The following CALHM2 variants were observed in gnomAD, a reference collection of about 807,000 sequenced individuals.
CALHM2 encodes calcium homeostasis modulator family member 2.
Under a neutral mutation model 20.4 loss-of-function variants are expected in CALHM2, and 18 were observed. The ratio of observed to expected loss-of-function variants is 0.88; its 90% confidence interval spans 0.61 to 1.31. The LOEUF (loss-of-function observed/expected upper bound fraction) is 1.31, where lower values mean the gene tolerates loss of function less well. Ranked by LOEUF, CALHM2 falls within the 50% of genes most tolerant of loss-of-function variation. CALHM2 has a pLI of 0.00. For missense variants in CALHM2, 411 were observed against 435.7 expected (o/e 0.94, Z 0.50); for synonymous variants, 193 against 192.1 (o/e 1.00, Z -0.04).
In CALHM2 at chr10:103,451,096, T is replaced by C. The variant is rs535894466; in HGVS notation, c.-172A>G. On this transcript the variant is annotated 5_prime_UTR_variant, in exon 2 of 4. The change abolishes an upstream ATG in the 5' untranslated region. Transcript: ENST00000260743. ...TCTCCTACTGACCTTGCCGTGTCCA[T>C]CCACGGGTGTCCCGAAGAACCTCCT... 35 of 152,396 alleles carry C rather than the reference T, an allele frequency of 2.3e-4. No homozygotes were observed. Among genetic ancestry groups the C allele is most frequent in the Admixed American group, 9.8e-4 (15 of 15,312 alleles). The allele number at this position is 152,396 out of a possible 1,614,324, so 9.4% of individuals were successfully genotyped here. A position where few individuals can be genotyped will look rare whatever the true frequency, so the allele number is the denominator to read the frequency against.
Position 103,447,065 on chromosome 10 carries a change from T to C in CALHM2, c.*87A>G. 7.3e-7 allele frequency: 1 copy of C among 1,364,224 alleles called. No individual in the cohort carries two copies. Among genetic ancestry groups the C allele is most frequent in the Admixed American group, 2.3e-5 (1 of 44,252 alleles). The allele number at this position is 1,364,224 out of a possible 1,614,324, so 84.5% of individuals were successfully genotyped here. ...CAAGAAGATAACAGTTTTTTAAAAA[T>C]CCCCTTCTGATATGGATGTGAGCAA... On this transcript the variant is annotated 3_prime_UTR_variant, in exon 4 of 4. Coordinates refer to ENST00000260743, the MANE Select transcript of CALHM2 (RefSeq NM_015916.5).
At position 103,447,563 on chromosome 10, in the gene CALHM2, A is replaced by G; in HGVS notation, c.561T>C (p.Phe187=). The G allele has an allele frequency of 6.3e-7, 1 of 1,589,744 alleles. No homozygotes were observed. Among genetic ancestry groups the G allele is most frequent in the Non-Finnish European group, 8.6e-7 (1 of 1,165,578 alleles). ...SRRLRYESQL[F]GWLLIGVVAI... Reference sequence around the variant, plus strand: ...CCACCACGCCGATGAGCAGCCATCCAAAGAGCTGGCCAGAGAATGGGCACA... The same window carrying G: ...CCACCACGCCGATGAGCAGCCATCCGAAGAGCTGGCCAGAGAATGGGCACA... The change falls in exon 4 of 4, where the codon TTT becomes TTC. Residue 187 remains phenylalanine, a synonymous_variant. Transcript: ENST00000260743.
chr10:103,447,792 C>T (rs576420829), intron 3 of CALHM2, among the ~76,000 whole-genome samples: 18 of 152,334 alleles, frequency 1.2e-4, no homozygotes, highest in African/African-American at 4.3e-4. Flanking sequence ...ACCTCCTTCC[C>T]CTGCCATCAT....
At position 103,447,451 on chromosome 10, in the gene CALHM2, C is replaced by T. The variant is rs778778204; in HGVS notation, c.673G>A (p.Ala225Thr). The T allele has an allele frequency of 5.6e-6, 9 of 1,614,138 alleles. No homozygotes were observed. Among genetic ancestry groups the T allele is most frequent in the African/African-American group, 1.3e-5 (1 of 75,074 alleles). ...RQEAYWAQYR[A>T]NEDQLFQRTA... is the part of the protein sequence containing the mutation. ...CGCTGGAACAGCTGGTCCTCATTGG[C>T]GCGGTACTGCGCCCAGTAGGCCTCC... The change falls in exon 4 of 4, where the codon GCC becomes ACC. Residue 225 changes from alanine (A) to threonine (T), a missense_variant. Ala to Thr is a moderately conservative substitution (Grantham distance 58). Transcript: ENST00000260743.
At position 103,446,891 on chromosome 10, in the gene CALHM2, C is replaced by T. The variant is rs2032654841; in HGVS notation, c.*261G>A. The T allele has an allele frequency of 2.4e-6, 1 of 413,020 alleles. No homozygotes were observed. 25.6% of individuals were successfully genotyped at this position (413,020 alleles called of 1,614,324 possible). The stretch of plus-strand genomic sequence containing the variant: ...TGGTGCACTGCTGCGCTGGGTGTCC[C>T]TATGCAGCTAGATACATGTTAACTG... On this transcript the variant is annotated 3_prime_UTR_variant, in exon 4 of 4. Transcript: ENST00000260743.
At chr10:103,451,680 T>TGAGGAG (rs2033002224) in intron 1 of CALHM2, 1 of 74,080 alleles carries the variant, frequency 1.3e-5, no homozygotes, top group African/African-American at 6.4e-5. Context: ...AGGAGGAGTC[T>TGAGGAG]GATTCTTCCC....
intron 3 of CALHM2, 167 bp downstream of exon 3, chr10:103,449,220 C>A: frequency 1.5e-6 from 1 of 688,754 alleles, no homozygotes. Flanking sequence ...CTGGAACTGG[C>A]CCTTGCCCCA....
Position 103,449,623 on chromosome 10 carries a change from G to A in CALHM2, c.319C>T (p.Leu107=), listed in dbSNP as rs2032866717. The change falls in exon 3 of 4, where the codon CTG becomes TTG. Residue 107 remains leucine, a synonymous_variant. Transcript: ENST00000260743. The stretch of plus-strand genomic sequence containing the variant: ...ACAGGGGCCACAGCCGCACGTCCCA[G>A]GATGGAGCTTAGAAGGAGGAAGGTG... The part of the protein sequence containing the change: ...APTFLLLSSI[L]GRAAVAPVTW... 2 of 1,613,952 alleles carry A rather than the reference G, an allele frequency of 1.2e-6. No individual in the cohort carries two copies. Among genetic ancestry groups the A allele is most frequent in the African/African-American group, 2.7e-5 (2 of 75,074 alleles).
At chr10:103,450,695 A>G (rs2032938583) in intron 2 of CALHM2, 1 of 152,492 alleles carries the variant, frequency 6.6e-6, no homozygotes. Flanking sequence ...CAAGGACATT[A>G]TCTTTTTGGA....
intron 3 of CALHM2, 49 bp from the exon 4 acceptor site, chr10:103,447,617 C>G: frequency 6.8e-7 from 1 of 1,469,602 alleles, no homozygotes; most frequent in Non-Finnish European, 9.1e-7. Flanking sequence ...ACTGCCTAAG[C>G]CCTACCCCCC....
At chr10:103,447,787 C>T (rs1276534641) in intron 3 of CALHM2, among the ~76,000 whole-genome samples, 1 of 152,196 alleles carries the variant, frequency 6.6e-6, no homozygotes, top group Non-Finnish European at 1.5e-5. Flanking sequence ...AGAGCACCTC[C>T]TTCCCCTGCC....
In CALHM2 at chr10:103,449,394, T is replaced by A. The variant is rs1405489113; in HGVS notation, c.548A>T (p.Glu183Val). ...REEVSRRLRY[E>V]SQLFGWLLIG... ...CTTTGCACAGCTCCTTACCTGGGACTCATACCTGAGCCTGCGGCTGACCTC... is the reference window on the plus strand; with the variant it reads ...CTTTGCACAGCTCCTTACCTGGGACACATACCTGAGCCTGCGGCTGACCTC... The change falls in exon 3 of 4, where the codon GAG becomes GTG. Residue 183 changes from glutamate to valine, a missense_variant. Transcript: ENST00000260743. 1 of 1,612,616 alleles carries A rather than the reference T, an allele frequency of 6.2e-7. No individual in the cohort carries two copies. The highest frequency in any genetic ancestry group is 2.2e-5 in the East Asian group (1 of 44,872).
rs1468227830 is a variant in CALHM2 at position 103,447,228 on chromosome 10, A to G, written c.896T>C (p.Leu299Pro). 1.2e-6 allele frequency: 2 copies of G among 1,614,210 alleles called. No individual in the cohort carries two copies. Among genetic ancestry groups the G allele is most frequent in the African/African-American group, 1.3e-5 (1 of 75,060 alleles). The part of the protein sequence containing the change: ...ENQGLPLYSR[L>P]HKWAQGLAGN... Reference sequence around the variant, plus strand: ...TGCCAGACCCTGGGCCCACTTGTGCAGGCGGCTGTAGAGTGGGAGGCCCTG... The same window carrying G: ...TGCCAGACCCTGGGCCCACTTGTGCGGGCGGCTGTAGAGTGGGAGGCCCTG... The change falls in exon 4 of 4, where the codon CTG becomes CCG. Residue 299 changes from leucine to proline, a missense_variant. Transcript: ENST00000260743.
intron 1 of CALHM2, chr10:103,451,668 G>T (rs1404912263): frequency 6.5e-6 from 1 of 153,714 alleles, no homozygotes; most frequent in South Asian, 1.8e-4. Context: ...AGGAGGAGGA[G>T]GAGGAGGAGT....
Position 103,450,040 on chromosome 10 carries a change from G to A in CALHM2, c.-99C>T, listed in dbSNP as rs923232835. The A allele has an allele frequency of 6.2e-5, 69 of 1,114,502 alleles. No homozygotes were observed. Among genetic ancestry groups the A allele is most frequent in the Admixed American group, 8.2e-5 (4 of 48,736 alleles). 69.0% of individuals were successfully genotyped at this position (1,114,502 alleles called of 1,614,324 possible). A position where few individuals can be genotyped will look rare whatever the true frequency, so the allele number is the denominator to read the frequency against. ...TAGGAAGGGGCACAGGCTGGGAGGC[G>A]CTGGACGGCAGGGTGTGGTTGTGCT... On this transcript the variant is annotated 5_prime_UTR_variant, in exon 3 of 4. Transcript: ENST00000260743.
In CALHM2 at chr10:103,447,040, CAAG is replaced by C. The variant is rs2032663928; in HGVS notation, c.*109_*111del. ...TTGCCTTGTGGTCCTTTCCCCTGGC[CAAG>C]AAGATAACAGTTTTTTAAAAATCCC... is the stretch of plus-strand genomic sequence containing the variant. On this transcript the variant is annotated 3_prime_UTR_variant, in exon 4 of 4. Transcript: ENST00000260743. 1.7e-6 allele frequency: 2 copies of C among 1,201,142 alleles called. No individual in the cohort carries two copies. The highest frequency in any genetic ancestry group is 3.0e-5 in the African/African-American group (2 of 65,782). 74.4% of individuals were successfully genotyped at this position (1,201,142 alleles called of 1,614,324 possible). A position where few individuals can be genotyped will look rare whatever the true frequency, so the allele number is the denominator to read the frequency against.
At chr10:103,448,265 G>A (rs550931529) in intron 3 of CALHM2, among the ~76,000 whole-genome samples, 5 of 151,560 alleles carry the variant, frequency 3.3e-5, no homozygotes, top group Admixed American at 1.3e-4. Context: ...TCCTGCCTCA[G>A]CCTCCCAAGT....
At chr10:103,451,750 CTGGGGAAGAA>C (rs565824463) in intron 1 of CALHM2, 1 of 153,282 alleles carries the variant, frequency 6.5e-6, no homozygotes, top group Non-Finnish European at 1.5e-5. Flanking sequence ...TGCATCACTG[CTGGGGAAGAA>C]TGGGTTAAAG....
rs1401579649 is a variant in CALHM2, at chr10:103,449,993, G to C, written c.-52C>G. 4 of 1,528,542 alleles carry C rather than the reference G, an allele frequency of 2.6e-6. No homozygotes were observed. The East Asian group carries it at 9.0e-5, about 34-fold the overall frequency. 94.7% of individuals were successfully genotyped at this position (1,528,542 alleles called of 1,614,324 possible). A position where few individuals can be genotyped will look rare whatever the true frequency, so the allele number is the denominator to read the frequency against. ...CAGGAGAGGAGGCAGGAGGAGACGG[G>C]ATTGATGGTTGCTGGTGGTACTAGG... On this transcript the variant is annotated 5_prime_UTR_variant, in exon 3 of 4. In the 5' UTR this introduces an upstream ATG that the reference lacks. Transcript: ENST00000260743.
Sources: gnomAD v4.1 joint callset for allele counts (sites outside exome capture counted in the v4.1 genomes callset) on GRCh38, gnomAD v4.1.1 for gene constraint, MANE v1.5 for transcripts, NCBI Gene and HGNC (gene_info 2026-07-23, HGNC 2026-07-21) for gene names.